The following CNTNAP2 variants were observed in gnomAD, a reference collection of about 807,000 sequenced individuals.
The protein encoded by CNTNAP2 is contactin-associated protein-like 2.
A neutral mutation model predicts 155.2 loss-of-function variants in CNTNAP2; 98 were observed. That is an observed-to-expected ratio of 0.63 (90% CI 0.54 to 0.75). The LOEUF is 0.75. Among genes scored for constraint, CNTNAP2 ranks in the 30% least tolerant of loss-of-function variants. The pLI, the probability that CNTNAP2 is intolerant of heterozygous loss-of-function variation, is 0.00. For missense variants in CNTNAP2, 1,727 were observed against 1,688.1 expected (o/e 1.02, Z -0.40); for synonymous variants, 651 against 631.2 (o/e 1.03, Z -0.47).
At chr7:147,158,800 C>A (rs976106852) in intron 8 of CNTNAP2, among the ~76,000 whole-genome samples, 3 of 152,028 alleles carry the variant, frequency 2.0e-5, no homozygotes, top group African/African-American at 7.2e-5. Flanking sequence ...GGCCATGCAC[C>A]AAGCAATACA....
At chr7:146,342,615 C>T (rs139637164) in intron 1 of CNTNAP2, among the ~76,000 whole-genome samples, 2 of 152,102 alleles carry the variant, frequency 1.3e-5, no homozygotes, top group East Asian at 1.9e-4. Flanking sequence ...AAAAGCATAT[C>T]ATTTAATTGA....
chr7:146,959,164 C>G (rs2129229969), intron 3 of CNTNAP2, among the ~76,000 whole-genome samples: 1 of 152,082 alleles, frequency 6.6e-6, no homozygotes, highest in South Asian at 2.1e-4. Context: ...GGACTACAGG[C>G]ACCCACCACC....
chr7:148,411,815 G>C (rs1267548632), intron 23 of CNTNAP2, among the ~76,000 whole-genome samples: 1 of 148,262 alleles, frequency 6.7e-6, no homozygotes, highest in Non-Finnish European at 1.5e-5. Context: ...TTCCTCAATT[G>C]AATTTTCTTG....
At chr7:146,127,310 C>T (rs940090547) in intron 1 of CNTNAP2, among the ~76,000 whole-genome samples, 1 of 152,128 alleles carries the variant, frequency 6.6e-6, no homozygotes, top group Non-Finnish European at 1.5e-5. Flanking sequence ...GCAATTTGCT[C>T]TAATCACAGG....
intron 3 of CNTNAP2, among the ~76,000 whole-genome samples, chr7:146,944,966 G>T (rs1472247283): frequency 6.6e-6 from 1 of 151,780 alleles, no homozygotes; most frequent in South Asian, 2.1e-4. Flanking sequence ...GGTTATGAAT[G>T]ATTTATGTTC....
At chr7:147,654,951 G>A (rs1032857217) in intron 13 of CNTNAP2, among the ~76,000 whole-genome samples, 7 of 149,406 alleles carry the variant, frequency 4.7e-5, no homozygotes, top group Admixed American at 1.3e-4. Context: ...CAAATAGCTG[G>A]GATTACAGGT....
chr7:147,242,488 C>A (rs531277977), intron 8 of CNTNAP2, among the ~76,000 whole-genome samples: 25 of 152,260 alleles, frequency 1.6e-4, no homozygotes, highest in African/African-American at 5.5e-4. Context: ...TCCTTGAAAT[C>A]TGTGGTAGTA....
chr7:146,787,047 C>T (rs1218458632), intron 2 of CNTNAP2, among the ~76,000 whole-genome samples: 2 of 152,196 alleles, frequency 1.3e-5, no homozygotes, highest in African/African-American at 4.8e-5. Flanking sequence ...CTATAATTTT[C>T]TCTAGCCAGT....
chr7:147,274,512 TTTG>T (rs757772000), intron 8 of CNTNAP2, among the ~76,000 whole-genome samples: 2 of 152,114 alleles, frequency 1.3e-5, no homozygotes, highest in African/African-American at 2.4e-5. Flanking sequence ...TTTTAATTTT[TTTG>T]TTGTTGTTGT....
chr7:146,966,181 T>C (rs1797653972), intron 3 of CNTNAP2, among the ~76,000 whole-genome samples: 1 of 152,230 alleles, frequency 6.6e-6, no homozygotes, highest in Non-Finnish European at 1.5e-5. Context: ...AGTCTCACTC[T>C]TACTCCTTCT....
chr7:147,576,465 GTTTT>G (rs1336578414), intron 12 of CNTNAP2, among the ~76,000 whole-genome samples: 1 of 152,082 alleles, frequency 6.6e-6, no homozygotes, highest in Non-Finnish European at 1.5e-5. Flanking sequence ...TTGTATGGCT[GTTTT>G]TACAGTAAAT....
intron 1 of CNTNAP2, among the ~76,000 whole-genome samples, chr7:146,408,515 C>G (rs981558486): frequency 2.6e-5 from 4 of 151,206 alleles, no homozygotes; most frequent in Non-Finnish European, 1.5e-5. Context: ...AGCAAACTGT[C>G]GCCAAGGACA....
intron 15 of CNTNAP2, among the ~76,000 whole-genome samples, chr7:148,056,225 T>C (rs1803005735): frequency 6.6e-6 from 1 of 152,294 alleles, no homozygotes; most frequent in East Asian, 1.9e-4. Flanking sequence ...TTCCATTTGC[T>C]GTGGAATTTT....
chr7:146,248,485 C>G (rs967012279), intron 1 of CNTNAP2, among the ~76,000 whole-genome samples: 1 of 152,146 alleles, frequency 6.6e-6, no homozygotes, highest in Non-Finnish European at 1.5e-5. Context: ...TTCCCTAGTC[C>G]ATGACCAGCG....
rs150474046 is a variant in CNTNAP2, at chr7:147,203,698, A to G, written c.1348+71189A>G. ...CTTTTGCATTAATATTACCATGGGT[A>G]TCAAGATAGTACTATTGAAACAAAA... On this transcript the variant is annotated intron_variant, in intron 8 of 23. Coordinates refer to ENST00000361727, the MANE Select transcript of CNTNAP2 (RefSeq NM_014141.6). Among the ~76,000 whole-genome samples the G allele has an allele frequency of 4.9e-4, 74 of 152,328 alleles. No individual in the cohort carries two copies. The East Asian group carries it at 0.014, about 28-fold the overall frequency.
intron 2 of CNTNAP2, among the ~76,000 whole-genome samples, chr7:146,806,089 G>T (rs1585099069): frequency 6.6e-6 from 1 of 152,112 alleles, no homozygotes; most frequent in South Asian, 2.1e-4. Context: ...CTTGTCAAAA[G>T]CTTTAATGGT....
chr7:147,413,676 T>G (rs1381477334), intron 10 of CNTNAP2, among the ~76,000 whole-genome samples: 1 of 152,140 alleles, frequency 6.6e-6, no homozygotes, highest in Non-Finnish European at 1.5e-5. Flanking sequence ...TCAAAACAGG[T>G]TTGGCTCAGT....
intron 1 of CNTNAP2, among the ~76,000 whole-genome samples, chr7:146,463,565 CAT>C (rs1300125237): frequency 6.6e-6 from 1 of 151,780 alleles, no homozygotes. Flanking sequence ...TACACACACA[CAT>C]ATACGTACAT....
chr7:147,378,350 A>G (rs1470696459), intron 9 of CNTNAP2, among the ~76,000 whole-genome samples: 1 of 152,010 alleles, frequency 6.6e-6, no homozygotes, highest in Non-Finnish European at 1.5e-5. Context: ...AATGTCTAAT[A>G]ATTATATCAG....
Sources: allele counts gnomAD v4.1 joint callset (sites outside exome capture counted in the v4.1 genomes callset), GRCh38; gene constraint gnomAD v4.1.1; transcripts MANE v1.5; gene names NCBI Gene and HGNC (gene_info 2026-07-23, HGNC 2026-07-21).